GPR160: variants seen among roughly 807,000 people sequenced by gnomAD.
GPR160 encodes G protein-coupled receptor 160, also known as probable G protein-coupled receptor 160.
Under a neutral mutation model 2.6 loss-of-function variants are expected in GPR160, and 2 were observed. The observed-to-expected ratio is 0.77, with a 90% CI of 0.32 to 2.44. The LOEUF (loss-of-function observed/expected upper bound fraction) is 2.44. GPR160 is among the 30% of genes most tolerant of loss of function. The probability of loss-of-function intolerance (pLI) is 0.11; values close to 1 mark genes in which losing one functional copy is unlikely to be tolerated. For missense variants in GPR160, 351 were observed against 383.6 expected, an observed-to-expected ratio of 0.91 and a Z score of 0.71; for synonymous variants, 130 against 132.2, an observed-to-expected ratio of 0.98 and a Z score of 0.12.
intron 2 of GPR160, among the ~76,000 whole-genome samples, chr3:170,047,941 G>A (rs189543206): frequency 5.1e-4 from 77 of 150,014 alleles, no homozygotes; most frequent in African/African-American, 1.8e-3. Context: ...AGGTTCAAGC[G>A]ATTCTCCCAC....
At chr3:170,080,612 C>T (rs900268721) in intron 3 of GPR160, among the ~76,000 whole-genome samples, 4 of 152,184 alleles carry the variant, frequency 2.6e-5, no homozygotes, top group Admixed American at 1.3e-4. Context: ...AGGTCCTCCT[C>T]CTCCCTACTT....
chr3:170,061,783 A>G lies in GPR160; in HGVS notation c.-192-17991A>G, dbSNP rs148941175. On this transcript the variant is annotated intron_variant, in intron 2 of 3. Coordinates refer to ENST00000355897, the MANE Select transcript of GPR160 (RefSeq NM_014373.3). ...CTTGTTCCATATTATAATTATTGGC[A>G]AGTCTCCATTAAATAGTCCTCAAAG... Among the ~76,000 whole-genome samples, 62 of 152,160 alleles carry G rather than the reference A, an allele frequency of 4.1e-4. No homozygotes were observed. The East Asian group carries it at 0.011, about 28-fold the overall frequency.
At chr3:170,062,799 G>C (rs1326791678) in intron 2 of GPR160, 1 of 668,334 alleles carries the variant, frequency 1.5e-6, no homozygotes, top group African/African-American at 1.8e-5. Flanking sequence ...TGAAGAAAGG[G>C]AAAGAATAGA....
At chr3:170,041,414 G>T (rs1344323185) in intron 2 of GPR160, among the ~76,000 whole-genome samples, 2 of 148,988 alleles carry the variant, frequency 1.3e-5, no homozygotes, top group African/African-American at 5.0e-5. Flanking sequence ...CCATTCTCCT[G>T]CCTCAGCCTC....
intron 2 of GPR160, among the ~76,000 whole-genome samples, chr3:170,070,639 A>C (rs1712544042): frequency 6.6e-6 from 1 of 152,248 alleles, no homozygotes; most frequent in African/African-American, 2.4e-5. Context: ...CTTGGCCAGT[A>C]CTTAAGTTTA....
rs1467059911 is a variant in GPR160 at position 170,084,502 on chromosome 3, A to G, written c.530A>G (p.Tyr177Cys). 2.5e-6 allele frequency: 4 copies of G among 1,613,536 alleles called. No homozygotes were observed. The highest frequency in any genetic ancestry group is 1.7e-4 in the Middle Eastern group (1 of 6,060). The change falls in exon 4 of 4, where the codon TAT becomes TGT. Residue 177 changes from tyrosine (Y) to cysteine (C), a missense_variant. Tyr to Cys is a radical substitution (Grantham distance 194). Transcript: ENST00000355897. Reference protein sequence around the residue: ...QNAYSRHCPFYVSIQSYWLSF... With the variant: ...QNAYSRHCPFCVSIQSYWLSF... ...GCTTATTCTCGTCACTGTCCTTTCT[A>G]TGTCAGCATTCAGAGTTACTGGCTG...
chr3:170,068,777 G>A (rs1177692328), intron 2 of GPR160, among the ~76,000 whole-genome samples: 1 of 152,016 alleles, frequency 6.6e-6, no homozygotes, highest in Admixed American at 6.6e-5. Context: ...CTAGCATTGT[G>A]TCTATTTCCT....
At chr3:170,043,747 G>T (rs1716565447) in intron 2 of GPR160, among the ~76,000 whole-genome samples, 1 of 152,066 alleles carries the variant, frequency 6.6e-6, no homozygotes, top group Non-Finnish European at 1.5e-5. Context: ...GACAGGCGGG[G>T]GGCATGGGTC....
intron 2 of GPR160, chr3:170,062,476 C>T (rs1712018139): frequency 1.7e-6 from 1 of 583,966 alleles, no homozygotes; most frequent in Non-Finnish European, 3.2e-6. Flanking sequence ...AGTCAAATGC[C>T]AGGGGAAACC....
At chr3:170,054,199 TAA>T (rs35046468) in intron 2 of GPR160, among the ~76,000 whole-genome samples, 1 of 144,956 alleles carries the variant, frequency 6.9e-6, no homozygotes. Context: ...GTCTCATGCT[TAA>T]AAAAAAAAAA....
At chr3:170,049,080 C>T (rs1055075596) in intron 2 of GPR160, among the ~76,000 whole-genome samples, 1 of 152,120 alleles carries the variant, frequency 6.6e-6, no homozygotes, top group Non-Finnish European at 1.5e-5. Flanking sequence ...TGGTTTGCAC[C>T]CTCCTGTCTC....
intron 3 of GPR160, among the ~76,000 whole-genome samples, chr3:170,082,586 C>T (rs562672800): frequency 1.3e-4 from 20 of 151,688 alleles, no homozygotes; most frequent in African/African-American, 4.1e-4. Context: ...ACCTGTGTTT[C>T]GTTTCTTTCT....
At chr3:170,059,883 C>T (rs1311782253) in intron 2 of GPR160, among the ~76,000 whole-genome samples, 1 of 152,054 alleles carries the variant, frequency 6.6e-6, no homozygotes, top group Non-Finnish European at 1.5e-5. Flanking sequence ...TGTTTCCCAC[C>T]ATGTGTCCAC....
At chr3:170,052,947 G>T (rs1481667407) in intron 2 of GPR160, among the ~76,000 whole-genome samples, 1 of 152,022 alleles carries the variant, frequency 6.6e-6, no homozygotes, top group Non-Finnish European at 1.5e-5. Context: ...AGTTAGTCCA[G>T]CACAGTGTGT....
chr3:170,052,276 T>TAAGTAGTAGAAGATA (rs1716991182), intron 2 of GPR160, among the ~76,000 whole-genome samples: 3 of 152,380 alleles, frequency 2.0e-5, no homozygotes, highest in Middle Eastern at 3.4e-3. Flanking sequence ...AAGTACTGGA[T>TAAGTAGTAGAAGATA]CATAGGATAA....
Position 170,084,984 on chromosome 3 carries a change from TG to T in GPR160, c.1013del (p.Cys338PhefsTer6), listed in dbSNP as rs1224944549. On this transcript the variant is annotated frameshift_variant, in exon 4 of 4. Coordinates refer to ENST00000355897, the MANE Select transcript of GPR160 (RefSeq NM_014373.3). LOFTEE classifies it high-confidence loss of function. ...TGAAAAGCCTATATCAATAATGATT[TG>T]TTAATATTATTAATTAAAAGTTACA... ...QIEKPISIMI[C>X] is the part of the protein sequence containing the mutation. The T allele has an allele frequency of 1.4e-6, 2 of 1,425,440 alleles. No homozygotes were observed. The highest frequency in any genetic ancestry group is 1.9e-6 in the Non-Finnish European group (2 of 1,050,050). 88.3% of individuals were successfully genotyped at this position (1,425,440 alleles called of 1,614,324 possible).
chr3:170,078,531 T>TA (rs2108347152), intron 2 of GPR160, among the ~76,000 whole-genome samples: 1 of 152,122 alleles, frequency 6.6e-6, no homozygotes, highest in African/African-American at 2.4e-5. Context: ...TTTCAACACT[T>TA]ACAAAGAGAT....
intron 2 of GPR160, among the ~76,000 whole-genome samples, chr3:170,049,119 A>C (rs1416790882): frequency 6.6e-6 from 1 of 152,210 alleles, no homozygotes; most frequent in Non-Finnish European, 1.5e-5. Flanking sequence ...TAAGGACAAG[A>C]GCAGGCTCCC....
intron 2 of GPR160, among the ~76,000 whole-genome samples, chr3:170,059,633 C>T (rs557136928): frequency 1.5e-4 from 23 of 152,246 alleles, no homozygotes; most frequent in Non-Finnish European, 3.1e-4. Context: ...CCTTCCTGAT[C>T]CTTTAAGTTA....
Sources: gnomAD v4.1 joint callset for allele counts (sites outside exome capture counted in the v4.1 genomes callset) on GRCh38, gnomAD v4.1.1 for gene constraint, MANE v1.5 for transcripts, NCBI Gene and HGNC (gene_info 2026-07-23, HGNC 2026-07-21) for gene names.